PRKG1: variants seen among roughly 807,000 people sequenced by gnomAD.
PRKG1 encodes the protein cGMP-dependent protein kinase 1.
In PRKG1, 35 loss-of-function variants were observed where a neutral mutation model predicts 88.1. The ratio of observed to expected loss-of-function variants is 0.40; its 90% CI spans 0.30 to 0.53. The LOEUF (loss-of-function observed/expected upper bound fraction) is 0.53, where lower values mean the gene tolerates loss of function less well. PRKG1 is among the 20% of genes least tolerant of loss of function. The pLI is 0.59. For synonymous variants in PRKG1, 303 were observed against 292.5 expected (o/e 1.04, Z -0.37); for missense variants, 540 against 839.8 (o/e 0.64, Z 4.41).
rs776244797 is a variant in PRKG1, at chr10:52,271,453, A to G, written c.1277A>G (p.Gln426Arg). The change falls in exon 11 of 18, where the codon CAG becomes CGG. Residue 426 changes from glutamine to arginine, a missense_variant. By Grantham distance (43) the Gln-to-Arg change is conservative. Around this residue, in one of 5 missense-constraint regions of PRKG1, gnomAD observed 400 missense variants for 562.7 expected, o/e 0.71. Coordinates refer to ENST00000373980, the MANE Select transcript of PRKG1 (RefSeq NM_006258.4). ...CAGGAGCACATCCGCTCAGAGAAGC[A>G]GATCATGCAGGGGGCTCATTCCGAT... ...RQQEHIRSEKQIMQGAHSDFI... is the reference protein window; with the variant it reads ...RQQEHIRSEKRIMQGAHSDFI... The G allele has an allele frequency of 1.2e-6, 2 of 1,612,850 alleles. No individual in the cohort carries two copies. The highest frequency in any genetic ancestry group is 3.3e-5 in the Admixed American group (2 of 59,842).
chr10:52,158,555 T>C (rs1481381201), intron 8 of PRKG1, among the ~76,000 whole-genome samples: 1 of 151,686 alleles, frequency 6.6e-6, no homozygotes, highest in African/African-American at 2.4e-5. Flanking sequence ...AAATTACTCA[T>C]TGATCAGTAC....
At position 51,122,740 on chromosome 10, in the gene PRKG1, A is replaced by G. The variant is rs1224911320; in HGVS notation, c.312-30424A>G. On this transcript the variant is annotated intron_variant, in intron 1 of 17. Coordinates refer to ENST00000373980, the MANE Select transcript of PRKG1 (RefSeq NM_006258.4). ...ATCACAAACTGATTTGACACTGGCA[A>G]CTACGCCATGTTGTTCTCCCGTTGA... Among the ~76,000 whole-genome samples the G allele has an allele frequency of 7.9e-5, 12 of 152,332 alleles. No homozygotes were observed. In the South Asian group the frequency reaches 2.3e-3, roughly 29 times the overall value.
At chr10:51,479,240 A>T (rs544677100) in intron 3 of PRKG1, among the ~76,000 whole-genome samples, 1 of 151,970 alleles carries the variant, frequency 6.6e-6, no homozygotes, top group African/African-American at 2.4e-5. Flanking sequence ...ATTTTTCGTA[A>T]TTTTCTGATC....
At chr10:51,579,577 T>A (rs1837977957) in intron 3 of PRKG1, among the ~76,000 whole-genome samples, 1 of 152,126 alleles carries the variant, frequency 6.6e-6, no homozygotes, top group African/African-American at 2.4e-5. Context: ...TATTTACCAA[T>A]TTTTATTTGG....
At chr10:52,001,973 A>T (rs2133151129) in intron 5 of PRKG1, among the ~76,000 whole-genome samples, 1 of 152,184 alleles carries the variant, frequency 6.6e-6, no homozygotes, top group African/African-American at 2.4e-5. Context: ...AAGAACAGCA[A>T]CCATGAAATA....
intron 5 of PRKG1, among the ~76,000 whole-genome samples, chr10:51,928,633 C>T (rs563220963): frequency 1.3e-5 from 2 of 152,244 alleles, no homozygotes; most frequent in Admixed American, 6.5e-5. Context: ...TAAGGGTTAT[C>T]GGATATTTTC....
intron 2 of PRKG1, among the ~76,000 whole-genome samples, chr10:51,359,803 T>C (rs1842440863): frequency 6.6e-6 from 1 of 151,858 alleles, no homozygotes; most frequent in African/African-American, 2.4e-5. Context: ...AAAGACCAGA[T>C]GGGAAAAGAA....
intron 3 of PRKG1, among the ~76,000 whole-genome samples, chr10:51,594,391 C>T (rs968924142): frequency 6.6e-6 from 1 of 152,084 alleles, no homozygotes; most frequent in South Asian, 2.1e-4. Flanking sequence ...TGCAGGTAGC[C>T]ATAAAGTCTA....
intron 1 of PRKG1, among the ~76,000 whole-genome samples, chr10:51,112,988 G>A (rs1163948066): frequency 1.3e-5 from 2 of 152,152 alleles, no homozygotes; most frequent in Non-Finnish European, 2.9e-5. Flanking sequence ...GCTTCAACTA[G>A]GCAGAAGGAG....
upstream of PRKG1, among the ~76,000 whole-genome samples, chr10:51,069,768 C>T (rs1365661046): frequency 3.3e-5 from 5 of 151,952 alleles, no homozygotes; most frequent in African/African-American, 9.7e-5. Flanking sequence ...ACTAGAGAAG[C>T]TCAGATATTT....
chr10:51,703,947 G>A (rs1841536001), intron 3 of PRKG1, among the ~76,000 whole-genome samples: 1 of 151,904 alleles, frequency 6.6e-6, no homozygotes, highest in Non-Finnish European at 1.5e-5. Context: ...GACCAGCCCG[G>A]CCAACATGGT....
chr10:51,979,833 A>G (rs1843959839), intron 5 of PRKG1, among the ~76,000 whole-genome samples: 2 of 151,942 alleles, frequency 1.3e-5, no homozygotes. Flanking sequence ...GGTCAGGGAA[A>G]TATCCTGTTT....
chr10:51,554,973 A>G (rs1282124631), intron 3 of PRKG1, among the ~76,000 whole-genome samples: 1 of 151,966 alleles, frequency 6.6e-6, no homozygotes, highest in Admixed American at 6.6e-5. Flanking sequence ...TACAAAGATG[A>G]TAGCATTATT....
chr10:52,183,518 C>T (rs1358889141), intron 9 of PRKG1, among the ~76,000 whole-genome samples: 1 of 152,162 alleles, frequency 6.6e-6, no homozygotes, highest in Non-Finnish European at 1.5e-5. Flanking sequence ...GTGTGGGTGG[C>T]AGGAGTTGGT....
chr10:51,365,311 A>G (rs963445366), intron 2 of PRKG1, among the ~76,000 whole-genome samples: 3 of 151,848 alleles, frequency 2.0e-5, no homozygotes, highest in African/African-American at 7.2e-5. Context: ...ATCTCTTTCC[A>G]TACTGTCATC....
chr10:51,400,032 G>A (rs1044642790), intron 2 of PRKG1, among the ~76,000 whole-genome samples: 3 of 152,040 alleles, frequency 2.0e-5, no homozygotes, highest in Non-Finnish European at 4.4e-5. Context: ...TACGTAATAC[G>A]TTCAGTTTCT....
At chr10:51,335,856 C>A (rs1303987251) in intron 2 of PRKG1, among the ~76,000 whole-genome samples, 1 of 152,136 alleles carries the variant, frequency 6.6e-6, no homozygotes, top group Admixed American at 6.5e-5. Flanking sequence ...GGTGTGGGTG[C>A]AGGTCTCTGT....
At chr10:51,775,780 C>T (rs1838419422) in intron 3 of PRKG1, among the ~76,000 whole-genome samples, 1 of 151,956 alleles carries the variant, frequency 6.6e-6, no homozygotes, top group African/African-American at 2.4e-5. Context: ...ACAGGGGTTT[C>T]ACCATGTTGC....
chr10:52,276,168 C>T (rs1031566216), intron 12 of PRKG1, among the ~76,000 whole-genome samples: 1 of 152,074 alleles, frequency 6.6e-6, no homozygotes, highest in Admixed American at 6.6e-5. Context: ...GATTTGGATG[C>T]CCTTTATTTC....
Sources: gnomAD v4.1 joint callset for allele counts (sites outside exome capture counted in the v4.1 genomes callset) on GRCh38, gnomAD v4.1.1 for gene constraint, gnomAD v4.1.1 regional missense constraint, MANE v1.5 for transcripts, NCBI Gene and HGNC (gene_info 2026-07-23, HGNC 2026-07-21) for gene names.